The following HMGA2 variants were observed in gnomAD, a reference collection of about 807,000 sequenced individuals.
The protein encoded by HMGA2 is high mobility group protein HMGI-C.
In HMGA2, 8 loss-of-function variants were observed where a neutral mutation model predicts 19.1. The observed-to-expected ratio is 0.42, with a 90% CI of 0.25 to 0.76. The LOEUF is 0.76. Ranked by LOEUF, HMGA2 falls within the 30% of genes least tolerant of loss-of-function variation. The probability of loss-of-function intolerance (pLI) is 0.28; values close to 1 mark genes in which losing one functional copy is unlikely to be tolerated. For missense variants in HMGA2, 109 were observed against 136.3 expected (o/e 0.80, Z 1.00); for synonymous variants, 60 against 48.8 (o/e 1.23, Z -0.96).
At chr12:65,831,585 A>G (rs536365845) in intron 2 of HMGA2, among the ~76,000 whole-genome samples, 343 of 151,964 alleles carry the variant, frequency 2.3e-3, no homozygotes, top group Non-Finnish European at 3.9e-3. Flanking sequence ...ATCTAGATAA[A>G]GTAGTTATAG....
At chr12:65,948,960 T>C (rs747061884) in intron 3 of HMGA2, among the ~76,000 whole-genome samples, 5 of 152,144 alleles carry the variant, frequency 3.3e-5, no homozygotes, top group African/African-American at 9.7e-5. Flanking sequence ...CCTGCAAGAA[T>C]GTATGTGGAT....
chr12:65,839,471 A>C (rs952650222), intron 3 of HMGA2, among the ~76,000 whole-genome samples: 1 of 151,536 alleles, frequency 6.6e-6, no homozygotes, highest in African/African-American at 2.4e-5. Context: ...AAATTTTAAA[A>C]AGATTTTTTT....
intron 3 of HMGA2, among the ~76,000 whole-genome samples, chr12:65,861,110 A>G (rs1592394698): frequency 1.3e-5 from 2 of 152,190 alleles, no homozygotes; most frequent in South Asian, 4.1e-4. Flanking sequence ...GCTCATGCCT[A>G]TAATCCCAGC....
intron 3 of HMGA2, among the ~76,000 whole-genome samples, chr12:65,838,934 A>G (rs1241648753): frequency 6.6e-6 from 1 of 151,390 alleles, no homozygotes; most frequent in Non-Finnish European, 1.5e-5. Context: ...TAAAATTCAT[A>G]CACAATGTGT....
At chr12:65,888,820 T>C (rs953308407) in intron 3 of HMGA2, among the ~76,000 whole-genome samples, 27 of 149,812 alleles carry the variant, frequency 1.8e-4, no homozygotes, top group African/African-American at 5.9e-4. Context: ...GCCTCGGCCT[T>C]CCAAAGTGCT....
chr12:65,915,063 A>G (rs1273555650), intron 3 of HMGA2: 2 of 1,613,614 alleles, frequency 1.2e-6, no homozygotes, highest in Non-Finnish European at 1.7e-6. Context: ...CCACAGGACA[A>G]TCTACTACCA....
intron 4 of HMGA2, among the ~76,000 whole-genome samples, chr12:65,962,659 C>A (rs943931573): frequency 1.3e-5 from 2 of 152,154 alleles, no homozygotes. Flanking sequence ...CCAGTACCAA[C>A]CCGACCCAAA....
At chr12:65,833,413 G>GTT (rs11327522) in intron 2 of HMGA2, among the ~76,000 whole-genome samples, 5 of 143,332 alleles carry the variant, frequency 3.5e-5, no homozygotes. Flanking sequence ...TATTTTTCTA[G>GTT]TTTTTTTTTT....
chr12:65,961,860 C>A (rs961210032), intron 4 of HMGA2, among the ~76,000 whole-genome samples: 3 of 151,974 alleles, frequency 2.0e-5, no homozygotes, highest in African/African-American at 7.3e-5. Flanking sequence ...CACATGGTAG[C>A]ATTTAGGAGC....
Position 65,963,229 on chromosome 12 carries a change from C to T in HMGA2, c.283-16C>T. The T allele has an allele frequency of 1.9e-6, 3 of 1,613,266 alleles. No homozygotes were observed. Among genetic ancestry groups the T allele is most frequent in the Non-Finnish European group, 2.5e-6 (3 of 1,179,476 alleles). ...TAACGATTGAGCGTCATGGCTGTGC[C>T]CTTTGTGTGTTCCAGGAGGAAACTG... On this transcript the variant is annotated splice_polypyrimidine_tract_variant and intron_variant, in intron 4 of 4. Transcript: ENST00000403681.
intron 3 of HMGA2, among the ~76,000 whole-genome samples, chr12:65,869,497 A>G (rs577587479): frequency 3.9e-5 from 6 of 152,248 alleles, no homozygotes; most frequent in African/African-American, 1.2e-4. Context: ...AGTGGGGTCA[A>G]TTCTTAGGGA....
intron 3 of HMGA2, among the ~76,000 whole-genome samples, chr12:65,845,754 C>T (rs111469687): frequency 0.034 from 5,109 of 152,180 alleles, 210 homozygotes; most frequent in African/African-American, 0.095. Flanking sequence ...TTAATTTATC[C>T]GTGCCTTTTC....
intron 3 of HMGA2, chr12:65,942,505 A>G (rs1341711883): frequency 6.6e-6 from 1 of 152,170 alleles, no homozygotes; most frequent in Non-Finnish European, 1.5e-5. Context: ...ATTATTTTCT[A>G]TGAAGTAACA....
chr12:65,848,737 T>C (rs957788720), intron 3 of HMGA2, among the ~76,000 whole-genome samples: 5 of 151,982 alleles, frequency 3.3e-5, no homozygotes, highest in Admixed American at 6.5e-5. Context: ...GCGCCTGTAG[T>C]CCCAGCTACT....
chr12:65,923,941 C>T (rs897112657), intron 3 of HMGA2, among the ~76,000 whole-genome samples: 8 of 152,056 alleles, frequency 5.3e-5, no homozygotes, highest in African/African-American at 1.9e-4. Flanking sequence ...CCTGGCGGGG[C>T]GGAGGTTGCA....
rs1180942808 is a variant in HMGA2 at position 65,888,554 on chromosome 12, C to CTTTTTTTTTTTTT, written c.249+50000_249+50012dup. Among the ~76,000 whole-genome samples, 2 of 40,544 alleles carry CTTTTTTTTTTTTT rather than the reference C, an allele frequency of 4.9e-5. 1 individual carries two copies. The highest frequency in any genetic ancestry group is 2.0e-4 in the African/African-American group (2 of 9,928). The allele number at this position is 40,544 out of a possible 152,430, so 26.6% of individuals were successfully genotyped here. ...AGGAATAGAGTGCCCGTGGTGTGCT[C>CTTTTTTTTTTTTT]TTTTTTTTTTTTTTTTTTTTTTTTT... On this transcript the variant is annotated intron_variant, in intron 3 of 4. Transcript: ENST00000403681.
chr12:65,860,449 C>T (rs1246519899), intron 3 of HMGA2, among the ~76,000 whole-genome samples: 1 of 152,184 alleles, frequency 6.6e-6, no homozygotes, highest in African/African-American at 2.4e-5. Flanking sequence ...AGGTCAGGGA[C>T]TGTCTGTATG....
intron 3 of HMGA2, chr12:65,858,417 C>G (rs879645928): frequency 9.9e-5 from 15 of 151,666 alleles, no homozygotes; most frequent in Admixed American, 4.6e-4. Flanking sequence ...ACACCAGTTT[C>G]TGTTATCAAC....
At chr12:65,837,374 C>A (rs932826305) in intron 2 of HMGA2, among the ~76,000 whole-genome samples, 2 of 152,066 alleles carry the variant, frequency 1.3e-5, no homozygotes, top group African/African-American at 4.8e-5. Flanking sequence ...TTGTTTTTAC[C>A]AGGCAGATTG....
Sources: gnomAD v4.1 joint callset for allele counts (sites outside exome capture counted in the v4.1 genomes callset) on GRCh38, gnomAD v4.1.1 for gene constraint, MANE v1.5 for transcripts, NCBI Gene and HGNC (gene_info 2026-07-23, HGNC 2026-07-21) for gene names.